The following KLHL7 variants were observed in gnomAD, a reference collection of about 807,000 sequenced individuals.
KLHL7 encodes the protein kelch-like protein 7.
KLHL7 carries 44 observed loss-of-function variants against 67.4 expected under a neutral mutation model. The ratio of observed to expected loss-of-function variants is 0.65; its 90% CI spans 0.51 to 0.84. The LOEUF is 0.84. KLHL7 is among the 40% of genes least tolerant of loss of function. The probability of loss-of-function intolerance (pLI) is 0.00; values close to 1 mark genes in which losing one functional copy is unlikely to be tolerated. For synonymous variants in KLHL7, 252 were observed against 243.3 expected (o/e 1.04, Z -0.33); for missense variants, 362 against 718.1 (o/e 0.50, Z 5.67).
chr7:23,135,020 T>C (rs1783928239), intron 4 of KLHL7, among the ~76,000 whole-genome samples: 1 of 152,206 alleles, frequency 6.6e-6, no homozygotes, highest in South Asian at 2.1e-4. Context: ...TTAAGATACA[T>C]CATTAGATTG....
intron 6 of KLHL7, among the ~76,000 whole-genome samples, chr7:23,147,181 C>G (rs2128465820): frequency 6.6e-6 from 1 of 151,798 alleles, no homozygotes; most frequent in South Asian, 2.1e-4. Context: ...CCTCCACCTC[C>G]TGGGTTCAAG....
At chr7:23,158,811 A>G (rs1784779051) in intron 7 of KLHL7, among the ~76,000 whole-genome samples, 2 of 152,164 alleles carry the variant, frequency 1.3e-5, no homozygotes, top group African/African-American at 2.4e-5. Context: ...TTAACAGTTA[A>G]TTGTCCTGAT....
intron 1 of KLHL7, among the ~76,000 whole-genome samples, chr7:23,118,204 AC>A (rs1783178628): frequency 6.6e-6 from 1 of 152,230 alleles, no homozygotes; most frequent in Admixed American, 6.5e-5. Context: ...GTGAGCCTTT[AC>A]TAGAACCAAA....
Position 23,106,126 on chromosome 7 carries a change from A to G in KLHL7, c.100A>G (p.Met34Val), listed in dbSNP as rs1247100908. The G allele has an allele frequency of 1.2e-6, 2 of 1,610,692 alleles. No homozygotes were observed. Among genetic ancestry groups the G allele is most frequent in the South Asian group, 1.1e-5 (1 of 90,244 alleles). The stretch of plus-strand genomic sequence containing the variant: ...ATTGTTGGCGGGTTTCATGGGCGTC[A>G]TGAATAACATGCGGAAACAGGTACC... ...AKLLAGFMGV[M>V]NNMRKQKTLC... Residue 34 changes from methionine to valine, a missense_variant, in exon 1 of 11, where the codon ATG becomes GTG. Coordinates refer to ENST00000339077, the MANE Select transcript of KLHL7 (RefSeq NM_001031710.3).
chr7:23,172,038 T>A (rs1785179912), intron 9 of KLHL7: 5 of 403,500 alleles, frequency 1.2e-5, no homozygotes, highest in South Asian at 8.9e-5. Context: ...AGAAGAGATA[T>A]AAACAATAAT....
chr7:23,142,040 T>C (rs1053631631), intron 5 of KLHL7, among the ~76,000 whole-genome samples: 3 of 152,094 alleles, frequency 2.0e-5, no homozygotes, highest in African/African-American at 7.2e-5. Context: ...TGCCTCAGCC[T>C]CTCAAGTAGC....
intron 7 of KLHL7, among the ~76,000 whole-genome samples, chr7:23,152,808 CA>C (rs1194096548): frequency 6.6e-6 from 1 of 152,110 alleles, no homozygotes; most frequent in African/African-American, 2.4e-5. Flanking sequence ...ACGGTCCACT[CA>C]CATTTCTACT....
chr7:23,122,143 T>A (rs1003786684), intron 1 of KLHL7, among the ~76,000 whole-genome samples: 2 of 152,116 alleles, frequency 1.3e-5, no homozygotes, highest in African/African-American at 4.8e-5. Context: ...TGTACAAAGA[T>A]CTACATTTCT....
chr7:23,163,740 C>T (rs1057163282), intron 7 of KLHL7, among the ~76,000 whole-genome samples: 4 of 152,278 alleles, frequency 2.6e-5, no homozygotes, highest in East Asian at 1.9e-4. Flanking sequence ...CACATGTGTA[C>T]GTGTGTATAA....
intron 7 of KLHL7, among the ~76,000 whole-genome samples, chr7:23,157,444 A>G (rs1450966111): frequency 6.6e-6 from 1 of 152,184 alleles, no homozygotes; most frequent in Non-Finnish European, 1.5e-5. Flanking sequence ...AGGGGTAAAC[A>G]GTGTTCTCTG....
At chr7:23,121,280 T>C (rs556964904) in intron 1 of KLHL7, among the ~76,000 whole-genome samples, 1 of 152,294 alleles carries the variant, frequency 6.6e-6, no homozygotes, top group African/African-American at 2.4e-5. Context: ...CTGTTGTGCA[T>C]AGTGCTGCAG....
At chr7:23,165,337 A>G (rs1328775340) in intron 7 of KLHL7, among the ~76,000 whole-genome samples, 2 of 152,224 alleles carry the variant, frequency 1.3e-5, no homozygotes, top group Non-Finnish European at 2.9e-5. Flanking sequence ...AGACCTTTAC[A>G]TTTGAAAAAG....
chr7:23,157,536 G>T (rs1244344291), intron 7 of KLHL7, among the ~76,000 whole-genome samples: 2 of 152,204 alleles, frequency 1.3e-5, no homozygotes, highest in Non-Finnish European at 2.9e-5. Context: ...ATGTAAAGAA[G>T]AGAGTAAATC....
At chr7:23,131,416 T>C (rs949213176) in intron 4 of KLHL7, among the ~76,000 whole-genome samples, 1 of 152,224 alleles carries the variant, frequency 6.6e-6, no homozygotes, top group African/African-American at 2.4e-5. Flanking sequence ...TCTTTGAAAA[T>C]GAATCAAGGC....
chr7:23,143,848 T>G lies in KLHL7; in HGVS notation c.619-3T>G. On this transcript the variant is annotated splice_region_variant and splice_polypyrimidine_tract_variant and intron_variant, in intron 5 of 10. Coordinates refer to ENST00000339077, the MANE Select transcript of KLHL7 (RefSeq NM_001031710.3). ...ACTTTACTGTGCTGTTTTTCCCCCT[T>G]AGGTTTATGATGCTGCAGTCAGGTG... is the stretch of plus-strand genomic sequence containing the variant. The G allele has an allele frequency of 6.2e-7, 1 of 1,614,050 alleles. No homozygotes were observed. Among genetic ancestry groups the G allele is most frequent in the Non-Finnish European group, 8.5e-7 (1 of 1,179,912 alleles).
intron 1 of KLHL7, 136 bp downstream of exon 1, chr7:23,106,282 A>G: frequency 1.3e-6 from 2 of 1,521,854 alleles, no homozygotes; most frequent in Non-Finnish European, 1.8e-6. Context: ...CCGTTTTCGC[A>G]GGCGAGCGAT....
At chr7:23,130,714 C>A (rs1161558505) in intron 4 of KLHL7, among the ~76,000 whole-genome samples, 1 of 152,108 alleles carries the variant, frequency 6.6e-6, no homozygotes, top group African/African-American at 2.4e-5. Flanking sequence ...GTTTTAAGAT[C>A]TACTTGCCAG....
At position 23,124,931 on chromosome 7, in the gene KLHL7, A is replaced by C. The variant is rs1340058815; in HGVS notation, c.318-117A>C. The C allele has an allele frequency of 4.4e-6, 5 of 1,142,008 alleles. No individual in the cohort carries two copies. The African/African-American group carries it at 7.7e-5, about 18-fold the overall frequency. The allele number at this position is 1,142,008 out of a possible 1,614,324, so 70.7% of individuals were successfully genotyped here. ...TCAGTATCCTATGCCATACTAATTCAAGGACTGAAAGTTTAATTTTGTGTT... is the reference window on the plus strand; with the variant it reads ...TCAGTATCCTATGCCATACTAATTCCAGGACTGAAAGTTTAATTTTGTGTT... On this transcript the variant is annotated intron_variant, in intron 3 of 10. Transcript: ENST00000339077.
intron 6 of KLHL7, among the ~76,000 whole-genome samples, chr7:23,149,317 T>TGAAAGAGCCAAAGGCCCATC (rs1784459283): frequency 1.3e-5 from 2 of 151,968 alleles, no homozygotes; most frequent in Non-Finnish European, 2.9e-5. Context: ...AAAGGCCCAT[T>TGAAAGAGCCAAAGGCCCATC]AGTGAAAGAG....
Sources: gnomAD v4.1 joint callset for allele counts (sites outside exome capture counted in the v4.1 genomes callset) on GRCh38, gnomAD v4.1.1 for gene constraint, MANE v1.5 for transcripts, NCBI Gene and HGNC (gene_info 2026-07-23, HGNC 2026-07-21) for gene names.